The following CADPS variants were observed in gnomAD, a reference collection of about 807,000 sequenced individuals.
The protein encoded by CADPS is calcium dependent secretion activator, also known as calcium-dependent secretion activator 1.
CADPS carries 57 observed loss-of-function variants against 167.3 expected under a neutral mutation model. The observed-to-expected ratio is 0.34, with a 90% CI of 0.28 to 0.42. CADPS has a LOEUF of 0.42. CADPS is among the 20% of genes least tolerant of loss of function. CADPS has a pLI of 1.00. For missense variants in CADPS, 1,414 were observed against 1,738.1 expected (o/e 0.81, Z 3.32); for synonymous variants, 676 against 635.3 (o/e 1.06, Z -0.96).
intron 1 of CADPS, among the ~76,000 whole-genome samples, chr3:62,869,666 T>C (rs116179491): frequency 0.011 from 1,629 of 152,286 alleles, 29 homozygotes; most frequent in Middle Eastern, 0.02. Context: ...TTATTTGACA[T>C]ATATGTTATC....
At chr3:62,784,757 AAAAC>A (rs142943131) in intron 1 of CADPS, among the ~76,000 whole-genome samples, 47,400 of 98,060 alleles carry the variant, frequency 0.48, 8,215 homozygotes, top group East Asian at 0.78. Context: ...AATGCAAGCA[AAAAC>A]AAAAAAAAAA....
At chr3:62,796,942 G>A (rs754556252) in intron 1 of CADPS, among the ~76,000 whole-genome samples, 2 of 152,136 alleles carry the variant, frequency 1.3e-5, no homozygotes, top group African/African-American at 4.8e-5. Context: ...TTAAATAAAT[G>A]CTAGAATATT....
intron 1 of CADPS, among the ~76,000 whole-genome samples, chr3:62,823,923 A>C (rs550748646): frequency 7.0e-4 from 107 of 152,228 alleles, no homozygotes; most frequent in Admixed American, 1.0e-3. Flanking sequence ...ATGACAGCCT[A>C]AGTTAACACG....
chr3:62,695,601 C>T (rs1242387339), intron 3 of CADPS, among the ~76,000 whole-genome samples: 3 of 152,148 alleles, frequency 2.0e-5, no homozygotes, highest in African/African-American at 7.2e-5. Context: ...AAGCCTCCTC[C>T]TTTCTCCTTC....
At chr3:62,695,863 G>A (rs2080174156) in intron 3 of CADPS, among the ~76,000 whole-genome samples, 1 of 152,042 alleles carries the variant, frequency 6.6e-6, no homozygotes, top group East Asian at 1.9e-4. Context: ...CCCCAAACCT[G>A]TTTTTGGCCA....
chr3:62,657,053 C>T (rs2071806155), intron 4 of CADPS, among the ~76,000 whole-genome samples: 1 of 152,158 alleles, frequency 6.6e-6, no homozygotes, highest in African/African-American at 2.4e-5. Context: ...ACTTATGTTA[C>T]TTCATAACAC....
At chr3:62,632,394 T>A (rs1340869104) in intron 6 of CADPS, among the ~76,000 whole-genome samples, 1 of 152,196 alleles carries the variant, frequency 6.6e-6, no homozygotes, top group Non-Finnish European at 1.5e-5. Flanking sequence ...CCACACTGCC[T>A]TATACAAAAT....
Position 62,466,443 on chromosome 3 carries a change from T to C in CADPS, c.3478-30A>G, listed in dbSNP as rs764996700. On this transcript the variant is annotated intron_variant, in intron 24 of 29. Coordinates refer to ENST00000383710, the MANE Select transcript of CADPS (RefSeq NM_003716.4). ...GAACACAGAAAGACAAATATTAGCA[T>C]GTTTGGGAGGTGATGGCACTGCATC... 2.1e-6 allele frequency: 3 copies of C among 1,460,792 alleles called. No individual in the cohort carries two copies. In the African/African-American group the frequency reaches 4.2e-5, roughly 20 times the overall value. 90.5% of individuals were successfully genotyped at this position (1,460,792 alleles called of 1,614,324 possible).
chr3:62,853,223 A>G (rs949779614), intron 1 of CADPS, among the ~76,000 whole-genome samples: 1 of 152,220 alleles, frequency 6.6e-6, no homozygotes, highest in African/African-American at 2.4e-5. Flanking sequence ...CTTCCAGAAA[A>G]TAAAATATAA....
chr3:62,838,380 T>C (rs955240710), intron 1 of CADPS, among the ~76,000 whole-genome samples: 1 of 152,158 alleles, frequency 6.6e-6, no homozygotes, highest in African/African-American at 2.4e-5. Flanking sequence ...ATAAGCCATA[T>C]GATATTCTCA....
At chr3:62,490,306 AAAAGAAAG>A (rs369297471) in intron 21 of CADPS, among the ~76,000 whole-genome samples, 48 of 152,084 alleles carry the variant, frequency 3.2e-4, no homozygotes, top group African/African-American at 9.2e-4. Context: ...TTTCCTTAAA[AAAAGAAAG>A]AAAGAAAGAA....
At chr3:62,811,393 G>A (rs1214422998) in intron 1 of CADPS, among the ~76,000 whole-genome samples, 1 of 151,992 alleles carries the variant, frequency 6.6e-6, no homozygotes, top group Non-Finnish European at 1.5e-5. Flanking sequence ...CCATCTCTCA[G>A]AAGCACACAC....
intron 27 of CADPS, among the ~76,000 whole-genome samples, chr3:62,444,593 A>T (rs2149915357): frequency 6.6e-6 from 1 of 152,344 alleles, no homozygotes; most frequent in South Asian, 2.1e-4. Context: ...TCTCCATTAT[A>T]AGAACTGTCT....
intron 9 of CADPS, among the ~76,000 whole-genome samples, chr3:62,567,161 GT>G (rs1288636023): frequency 2.6e-5 from 4 of 152,004 alleles, no homozygotes; most frequent in Non-Finnish European, 5.9e-5. Flanking sequence ...ATTTCCTCTT[GT>G]TTTTCCTGCA....
intron 1 of CADPS, among the ~76,000 whole-genome samples, chr3:62,797,603 G>A (rs1213592295): frequency 6.6e-6 from 1 of 152,074 alleles, no homozygotes; most frequent in Non-Finnish European, 1.5e-5. Flanking sequence ...TTATAAGTGG[G>A]AGCTAAATGA....
At chr3:62,864,439 A>G (rs1159246151) in intron 1 of CADPS, among the ~76,000 whole-genome samples, 1 of 152,136 alleles carries the variant, frequency 6.6e-6, no homozygotes, top group Non-Finnish European at 1.5e-5. Flanking sequence ...AGCAACAGAT[A>G]TTGTCAGAGG....
At chr3:62,578,117 A>G (rs2082650506) in intron 8 of CADPS, among the ~76,000 whole-genome samples, 1 of 152,050 alleles carries the variant, frequency 6.6e-6, no homozygotes, top group Non-Finnish European at 1.5e-5. Context: ...CCTATAAGAA[A>G]TGCACTTTTT....
chr3:62,549,173 G>A (rs997466563), intron 11 of CADPS, among the ~76,000 whole-genome samples: 12 of 152,118 alleles, frequency 7.9e-5, no homozygotes, highest in African/African-American at 2.9e-4. Flanking sequence ...TGTTTGGAAC[G>A]AAAATGAATT....
chr3:62,719,096 G>C (rs1274728178), intron 3 of CADPS, among the ~76,000 whole-genome samples: 1 of 152,190 alleles, frequency 6.6e-6, no homozygotes, highest in Non-Finnish European at 1.5e-5. Context: ...AATGAGCTGA[G>C]TCCCTCAAAG....
Sources: allele counts gnomAD v4.1 joint callset (sites outside exome capture counted in the v4.1 genomes callset), GRCh38; gene constraint gnomAD v4.1.1; transcripts MANE v1.5; gene names NCBI Gene and HGNC (gene_info 2026-07-23, HGNC 2026-07-21).